The following FBXO25 variants were observed in gnomAD, a reference collection of about 807,000 sequenced individuals.
FBXO25 encodes the protein F-box protein 25.
A neutral mutation model predicts 51.9 loss-of-function variants in FBXO25; 45 were observed. The ratio of observed to expected loss-of-function variants is 0.87; its 90% CI spans 0.68 to 1.11. The LOEUF (loss-of-function observed/expected upper bound fraction) is 1.11, where lower values mean the gene tolerates loss of function less well. Among genes scored for constraint, FBXO25 ranks in the 50% most tolerant of loss-of-function variants. The probability of loss-of-function intolerance (pLI) is 0.00; values close to 1 mark genes in which losing one functional copy is unlikely to be tolerated. For synonymous variants in FBXO25, 199 were observed against 151.0 expected (o/e 1.32, Z -2.33); for missense variants, 507 against 428.5 (o/e 1.18, Z -1.62).
At chr8:461,715 G>T (rs1419475116) in intron 8 of FBXO25, among the ~76,000 whole-genome samples, 2 of 152,266 alleles carry the variant, frequency 1.3e-5, no homozygotes, top group East Asian at 1.9e-4. Flanking sequence ...TTCTGTCTCT[G>T]TGTTTCCCTG....
chr8:457,104 T>C (rs1563093734), intron 7 of FBXO25, among the ~76,000 whole-genome samples: 1 of 152,070 alleles, frequency 6.6e-6, no homozygotes, highest in South Asian at 2.1e-4. Context: ...CATCGACCTA[T>C]TGGGAACAAA....
In FBXO25 at chr8:458,533, C is replaced by A; in HGVS notation, c.825C>A (p.Tyr275Ter). 6.8e-6 allele frequency: 11 copies of A among 1,614,036 alleles called. No individual in the cohort carries two copies. The highest frequency in any genetic ancestry group is 9.3e-6 in the Non-Finnish European group (11 of 1,179,944). Residue 275 changes from tyrosine to a stop codon, truncating the protein, a stop_gained, in exon 8 of 10, where the codon TAC (tyrosine) becomes TAA (stop). Transcript: ENST00000350302. LOFTEE classifies it high-confidence loss of function. ...AGCTGTGGAAGAAGCTTTGTCAGTACCATTTTGCTGAAAAGCAGGTGAGTG... is the reference window on the plus strand; with the variant it reads ...AGCTGTGGAAGAAGCTTTGTCAGTAACATTTTGCTGAAAAGCAGGTGAGTG... ...DRQLWKKLCQ[Y>*]HFAEKQFCRH...
rs1396025473 is a variant in FBXO25, at chr8:473,548, T to C, written c.*4744T>C. Reference sequence around the variant, plus strand: ...TGTTAACCCTCCTAGTTGTCCTTTTTGTACTTGGTCCTCTTCCTTCCAATC... The same window carrying C: ...TGTTAACCCTCCTAGTTGTCCTTTTCGTACTTGGTCCTCTTCCTTCCAATC... On this transcript the variant is annotated 3_prime_UTR_variant, in exon 10 of 10. Coordinates refer to ENST00000350302, the MANE Select transcript of FBXO25 (RefSeq NM_183420.2). 1 of 152,240 alleles carries C rather than the reference T, an allele frequency of 6.6e-6. No individual in the cohort carries two copies. The highest frequency in any genetic ancestry group is 1.5e-5 in the Non-Finnish European group (1 of 68,086). 9.4% of individuals were successfully genotyped at this position (152,240 alleles called of 1,614,324 possible). A position where few individuals can be genotyped will look rare whatever the true frequency, so the allele number is the denominator to read the frequency against.
At chr8:439,713 C>T (rs1446814677) in intron 5 of FBXO25, among the ~76,000 whole-genome samples, 2 of 152,138 alleles carry the variant, frequency 1.3e-5, no homozygotes, top group Non-Finnish European at 2.9e-5. Flanking sequence ...TTCCTTTAGC[C>T]CACCTGCTCC....
At position 413,214 on chromosome 8, in the gene FBXO25, G is replaced by A; in HGVS notation, c.134+1G>A. 1.3e-6 allele frequency: 2 copies of A among 1,585,604 alleles called. No homozygotes were observed. Among genetic ancestry groups the A allele is most frequent in the Non-Finnish European group, 1.7e-6 (2 of 1,169,612 alleles). On this transcript the variant is annotated splice_donor_variant, in intron 2 of 9. Transcript: ENST00000350302. LOFTEE classifies it high-confidence loss of function. Reference sequence around the variant, plus strand: ...ACCGTTGTAACATCAGTCACAGCATGTAAGTTACAGCTGAGCAGAACCATG... The same window carrying A: ...ACCGTTGTAACATCAGTCACAGCATATAAGTTACAGCTGAGCAGAACCATG...
chr8:440,706 T>G (rs1019859121), intron 5 of FBXO25, among the ~76,000 whole-genome samples: 5 of 152,092 alleles, frequency 3.3e-5, no homozygotes, highest in South Asian at 2.1e-4. Context: ...TCATCTACAT[T>G]AGGTATTTCT....
chr8:431,326 G>T lies in FBXO25; in HGVS notation c.135-15G>T. On this transcript the variant is annotated splice_polypyrimidine_tract_variant and intron_variant, in intron 2 of 9. Coordinates refer to ENST00000350302, the MANE Select transcript of FBXO25 (RefSeq NM_183420.2). ...CCCTGAAAAAATATTTTAATAGAAT[G>T]TGTCTTTATTTCAGTATCTTAAATA... is the stretch of plus-strand genomic sequence containing the variant. The T allele has an allele frequency of 7.8e-7, 1 of 1,284,012 alleles. No homozygotes were observed. The highest frequency in any genetic ancestry group is 1.1e-6 in the Non-Finnish European group (1 of 918,038). The allele number at this position is 1,284,012 out of a possible 1,614,324, so 79.5% of individuals were successfully genotyped here.
intron 7 of FBXO25, among the ~76,000 whole-genome samples, chr8:451,793 A>G (rs1341334086): frequency 1.3e-5 from 2 of 152,176 alleles, no homozygotes; most frequent in African/African-American, 4.8e-5. Flanking sequence ...TTCTCTATTT[A>G]TTTAGTTGTT....
chr8:468,660 C>G, intron 9 of FBXO25, 55 bp from the exon 10 acceptor site: 5 of 1,397,804 alleles, frequency 3.6e-6, no homozygotes, highest in Non-Finnish European at 5.1e-6. Flanking sequence ...AGCACCATCA[C>G]TAGAGTGTGG....
At chr8:447,785 A>G (rs1474054644) in intron 5 of FBXO25, among the ~76,000 whole-genome samples, 1 of 152,192 alleles carries the variant, frequency 6.6e-6, no homozygotes, top group Admixed American at 6.5e-5. Flanking sequence ...CATGAGGTCA[A>G]GTATGGAATT....
chr8:407,751 C>G (rs1297812444), intron 1 of FBXO25, among the ~76,000 whole-genome samples: 1 of 152,122 alleles, frequency 6.6e-6, no homozygotes, highest in Non-Finnish European at 1.5e-5. Context: ...TTTTTCCCTA[C>G]TCCTGGTCTG....
intron 2 of FBXO25, among the ~76,000 whole-genome samples, chr8:416,882 TAGTA>T (rs1367061079): frequency 6.6e-6 from 1 of 152,144 alleles, no homozygotes; most frequent in East Asian, 1.9e-4. Context: ...TTCCGCAGTG[TAGTA>T]AGTGTGATAG....
intron 8 of FBXO25, among the ~76,000 whole-genome samples, chr8:461,743 A>C (rs554259471): frequency 6.6e-6 from 1 of 152,314 alleles, no homozygotes; most frequent in East Asian, 1.9e-4. Context: ...TGTGTAATGT[A>C]AGAGGAATCT....
intron 5 of FBXO25, among the ~76,000 whole-genome samples, chr8:445,525 A>G (rs1798684895): frequency 6.6e-6 from 1 of 152,236 alleles, no homozygotes; most frequent in African/African-American, 2.4e-5. Flanking sequence ...TTAGAAATTA[A>G]AACACTTTTA....
At chr8:450,578 C>T (rs1419156749) in intron 6 of FBXO25, 4 of 152,322 alleles carry the variant, frequency 2.6e-5, no homozygotes, top group Non-Finnish European at 5.9e-5. Context: ...AAAGTAGCCT[C>T]TTTATGATAA....
At chr8:410,203 T>C (rs1332179376) in intron 1 of FBXO25, among the ~76,000 whole-genome samples, 1 of 152,220 alleles carries the variant, frequency 6.6e-6, no homozygotes, top group Admixed American at 6.5e-5. Context: ...TATGTATGTA[T>C]ACATGCACAC....
At position 477,406 on chromosome 8, in the gene FBXO25, G is replaced by A. The variant is rs572943790; in HGVS notation, c.*8602G>A. The A allele has an allele frequency of 6.6e-6, 1 of 152,178 alleles. No homozygotes were observed. Among genetic ancestry groups the A allele is most frequent in the African/African-American group, 2.4e-5 (1 of 41,446 alleles). 9.4% of individuals were successfully genotyped at this position (152,178 alleles called of 1,614,324 possible). A position where few individuals can be genotyped will look rare whatever the true frequency, so the allele number is the denominator to read the frequency against. ...ACTATCCATTTCTTCCTTTGATTCTGTCAATGTTTGTTTCATATATTTTGG... is the reference window on the plus strand; with the variant it reads ...ACTATCCATTTCTTCCTTTGATTCTATCAATGTTTGTTTCATATATTTTGG... On this transcript the variant is annotated 3_prime_UTR_variant, in exon 10 of 10. Coordinates refer to ENST00000350302, the MANE Select transcript of FBXO25 (RefSeq NM_183420.2).
chr8:458,208 G>A (rs906708068), intron 7 of FBXO25, among the ~76,000 whole-genome samples, 161 bp from the exon 8 acceptor site: 1 of 152,196 alleles, frequency 6.6e-6, no homozygotes, highest in Non-Finnish European at 1.5e-5. Context: ...CTTCCCCACG[G>A]TGGTGGATGC....
intron 5 of FBXO25, among the ~76,000 whole-genome samples, chr8:444,668 A>T (rs116343040): frequency 0.057 from 8,731 of 152,224 alleles, 279 homozygotes; most frequent in Middle Eastern, 0.082. Flanking sequence ...ATACGCAGTC[A>T]TGCACTACAT....
Sources: allele counts gnomAD v4.1 joint callset (sites outside exome capture counted in the v4.1 genomes callset), GRCh38; gene constraint gnomAD v4.1.1; transcripts MANE v1.5; gene names NCBI Gene and HGNC (gene_info 2026-07-23, HGNC 2026-07-21).